CNGB1: variants seen among roughly 807,000 people sequenced by gnomAD.
CNGB1 encodes cyclic nucleotide gated channel subunit beta 1.
In CNGB1, 126 loss-of-function variants were observed where a neutral mutation model predicts 151.7. The ratio of observed to expected loss-of-function variants is 0.83; its 90% CI spans 0.72 to 0.96. CNGB1 has a LOEUF of 0.96. Among genes scored for constraint, CNGB1 ranks in the 40% least tolerant of loss-of-function variants. The pLI is 0.00. For synonymous variants in CNGB1, 623 were observed against 635.1 expected (o/e 0.98, Z 0.29); for missense variants, 1,698 against 1,627.0 (o/e 1.04, Z -0.75).
chr16:57,917,005 C>T (rs1468128990), intron 21 of CNGB1, among the ~76,000 whole-genome samples: 1 of 152,168 alleles, frequency 6.6e-6, no homozygotes, highest in Non-Finnish European at 1.5e-5. Flanking sequence ...AAGACCATTC[C>T]CTGGACCACT....
intron 14 of CNGB1, among the ~76,000 whole-genome samples, chr16:57,943,100 C>T (rs1961712417): frequency 6.6e-6 from 1 of 152,030 alleles, no homozygotes; most frequent in Admixed American, 6.6e-5. Flanking sequence ...AGTGAAGAAA[C>T]ACCCTACAGA....
At position 57,923,465 on chromosome 16, in the gene CNGB1, A is replaced by G. The variant is rs1344393812; in HGVS notation, c.1536-85T>C. On this transcript the variant is annotated intron_variant, in intron 17 of 32. Transcript: ENST00000251102. ...GTCATGACTTTGATCCCTAAAGATC[A>G]TCTAGAGCCAATTCCTAGATAGAGG... 3.6e-6 allele frequency: 4 copies of G among 1,096,220 alleles called. No individual in the cohort carries two copies. The East Asian group carries it at 1.0e-4, about 27-fold the overall frequency. The allele number at this position is 1,096,220 out of a possible 1,614,324, so 67.9% of individuals were successfully genotyped here.
chr16:57,957,315 T>C, intron 12 of CNGB1, 26 bp downstream of exon 12: 1 of 1,609,676 alleles, frequency 6.2e-7, no homozygotes, highest in East Asian at 2.2e-5. Context: ...AATATGTACA[T>C]GGGGACTCAG....
intron 16 of CNGB1, among the ~76,000 whole-genome samples, chr16:57,932,274 C>G (rs1961374986): frequency 6.6e-6 from 1 of 152,232 alleles, no homozygotes; most frequent in Non-Finnish European, 1.5e-5. Context: ...CCTGGCCTAG[C>G]ACAGCCTGAG....
chr16:57,947,384 A>G (rs1961836340), intron 14 of CNGB1, among the ~76,000 whole-genome samples: 1 of 152,200 alleles, frequency 6.6e-6, no homozygotes, highest in Admixed American at 6.5e-5. Flanking sequence ...GCACAGCTCC[A>G]TAGAAAGCAG....
intron 17 of CNGB1, among the ~76,000 whole-genome samples, chr16:57,927,994 C>G (rs1961239773): frequency 6.6e-6 from 1 of 152,262 alleles, no homozygotes; most frequent in Non-Finnish European, 1.5e-5. Flanking sequence ...TCCACTCTGA[C>G]AGCCTTCTGA....
At chr16:57,904,295 A>G (rs941514660) in intron 26 of CNGB1, among the ~76,000 whole-genome samples, 1 of 152,070 alleles carries the variant, frequency 6.6e-6, no homozygotes, top group Non-Finnish European at 1.5e-5. Context: ...TTCCTCGGTG[A>G]CGGCGGCCAT....
chr16:57,903,925 C>T lies in CNGB1; in HGVS notation c.2691G>A (p.Met897Ile), dbSNP rs763675454. ...TAGQTYYRSCMDSTVKYMNFY... is the reference protein window; with the variant it reads ...TAGQTYYRSCIDSTVKYMNFY... Reference sequence around the variant, plus strand: ...AATTCATGTACTTCACCGTGCTGTCCATGCAGCTGCGGTAGTAGGTCTGTC... The same window carrying T: ...AATTCATGTACTTCACCGTGCTGTCTATGCAGCTGCGGTAGTAGGTCTGTC... Residue 897 changes from methionine (M) to isoleucine (I), a missense_variant, in exon 27 of 33, where the codon ATG (methionine) becomes ATA (isoleucine). Met to Ile is a conservative substitution (Grantham distance 10, BLOSUM62 1). Transcript: ENST00000251102. 1 of 1,613,982 alleles carries T rather than the reference C, an allele frequency of 6.2e-7. No homozygotes were observed. The highest frequency in any genetic ancestry group is 8.5e-7 in the Non-Finnish European group (1 of 1,179,990).
chr16:57,906,442 C>T (rs552718330), intron 25 of CNGB1, among the ~76,000 whole-genome samples: 44 of 152,294 alleles, frequency 2.9e-4, no homozygotes, highest in Admixed American at 1.2e-3. Context: ...AGGCAGGTGA[C>T]GTGCAATGCG....
intron 4 of CNGB1, 143 bp downstream of exon 4, chr16:57,963,987 C>T (rs1258171134): frequency 4.1e-6 from 3 of 728,374 alleles, no homozygotes; most frequent in Non-Finnish European, 6.7e-6. Context: ...TCAGCCAATT[C>T]CCAGGATGTC....
intron 31 of CNGB1, among the ~76,000 whole-genome samples, chr16:57,894,804 C>T (rs1417347274): frequency 1.3e-5 from 2 of 152,118 alleles, no homozygotes; most frequent in Non-Finnish European, 2.9e-5. Context: ...TAATGTTCTA[C>T]ATACTGAAAA....
Position 57,964,149 on chromosome 16 carries a change from C to T in CNGB1, c.271G>A (p.Glu91Lys). 6.2e-7 allele frequency: 1 copy of T among 1,614,184 alleles called. No individual in the cohort carries two copies. The highest frequency in any genetic ancestry group is 8.5e-7 in the Non-Finnish European group (1 of 1,180,034). ...CAGTACCTATTCATTTCAGAAATCT[C>T]AGCGCCCTGGGCCCGGAGGGATATG... ...STISLRAQGA[E>K]ISEMNSPSRR... Residue 91 changes from glutamate (E) to lysine (K), a missense_variant, in exon 4 of 33, where the codon GAG becomes AAG. Physicochemically the swap from Glu to Lys is moderately conservative, Grantham distance 56 (BLOSUM62 1). Transcript: ENST00000251102.
intron 19 of CNGB1, 93 bp from the exon 20 acceptor site, chr16:57,919,347 G>T: frequency 6.2e-7 from 1 of 1,606,660 alleles, no homozygotes; most frequent in Non-Finnish European, 8.5e-7. Context: ...CTTGGATCCA[G>T]ATCTGAGAGG....
intron 20 of CNGB1, among the ~76,000 whole-genome samples, chr16:57,918,059 A>ATGGT (rs1960926261): frequency 6.6e-6 from 1 of 151,784 alleles, no homozygotes. Context: ...GGATGGATGG[A>ATGGT]TGGATGGATG....
intron 13 of CNGB1, 144 bp downstream of exon 13, chr16:57,950,237 A>G: frequency 1.0e-6 from 1 of 961,142 alleles, no homozygotes; most frequent in Non-Finnish European, 1.6e-6. Flanking sequence ...CATTCTACCC[A>G]TGGGAGAAGG....
chr16:57,901,727 T>G (rs1451596221), intron 27 of CNGB1, 102 bp from the exon 28 acceptor site: 1 of 900,496 alleles, frequency 1.1e-6, no homozygotes, highest in Non-Finnish European at 1.8e-6. Context: ...GGCACACCAT[T>G]GCCCTGCCGC....
chr16:57,891,818 A>G (rs1424893271), intron 31 of CNGB1, among the ~76,000 whole-genome samples: 2 of 152,154 alleles, frequency 1.3e-5, no homozygotes, highest in Non-Finnish European at 2.9e-5. Flanking sequence ...CAGCCTCCCA[A>G]AGTGCTGGGA....
At chr16:57,901,826 T>C (rs1000006018) in intron 27 of CNGB1, among the ~76,000 whole-genome samples, 1 of 152,200 alleles carries the variant, frequency 6.6e-6, no homozygotes, top group East Asian at 1.9e-4. Flanking sequence ...CCCCTGTGCA[T>C]TTCCCAAACT....
chr16:57,953,244 C>A (rs558810262), intron 12 of CNGB1, among the ~76,000 whole-genome samples: 1 of 152,300 alleles, frequency 6.6e-6, no homozygotes, highest in Non-Finnish European at 1.5e-5. Context: ...CACCTGTAAT[C>A]CCGGCACTTT....
Sources: allele counts gnomAD v4.1 joint callset (sites outside exome capture counted in the v4.1 genomes callset), GRCh38; gene constraint gnomAD v4.1.1; transcripts MANE v1.5; gene names NCBI Gene and HGNC (gene_info 2026-07-23, HGNC 2026-07-21).